COX7B2: variants seen among roughly 807,000 people sequenced by gnomAD.
COX7B2 encodes the protein cytochrome c oxidase subunit 7B2.
For missense variants in COX7B2, 109 were observed against 95.9 expected (o/e 1.14, Z -0.57); for synonymous variants, 37 against 32.1 (o/e 1.15, Z -0.51).
At chr4:46,746,844 C>T (rs1235139049) in intron 2 of COX7B2, among the ~76,000 whole-genome samples, 2 of 152,146 alleles carry the variant, frequency 1.3e-5, no homozygotes, top group African/African-American at 4.8e-5. Context: ...TTTACTTAAA[C>T]TTGATTAAAC....
chr4:46,856,095 T>C (rs1402003110), intron 1 of COX7B2, among the ~76,000 whole-genome samples: 1 of 151,886 alleles, frequency 6.6e-6, no homozygotes, highest in Non-Finnish European at 1.5e-5. Context: ...AATACAAAAA[T>C]TAGCCGGTCA....
chr4:46,786,965 T>G (rs1717783765), intron 2 of COX7B2, among the ~76,000 whole-genome samples: 1 of 152,096 alleles, frequency 6.6e-6, no homozygotes, highest in South Asian at 2.1e-4. Flanking sequence ...GGGTCTGCTG[T>G]GAACTTGGAA....
intron 2 of COX7B2, among the ~76,000 whole-genome samples, chr4:46,773,965 C>T (rs531519749): frequency 6.6e-6 from 1 of 152,208 alleles, no homozygotes; most frequent in Admixed American, 6.6e-5. Context: ...CTTGTTCCAT[C>T]ATTCTCTTTA....
At chr4:46,806,030 G>C (rs912142538) in intron 2 of COX7B2, among the ~76,000 whole-genome samples, 8 of 151,998 alleles carry the variant, frequency 5.3e-5, no homozygotes, top group African/African-American at 1.9e-4. Context: ...CAGTCTCAGA[G>C]GCATTATTTG....
intron 2 of COX7B2, among the ~76,000 whole-genome samples, chr4:46,749,528 G>T (rs10009333): frequency 0.34 from 50,831 of 151,672 alleles, 8,688 homozygotes; most frequent in South Asian, 0.47. Flanking sequence ...TAAAAATATT[G>T]TAGTATAAAT....
At chr4:46,830,243 G>A (rs1244398490) in intron 2 of COX7B2, among the ~76,000 whole-genome samples, 4 of 147,040 alleles carry the variant, frequency 2.7e-5, no homozygotes, top group African/African-American at 1.0e-4. Flanking sequence ...AGAATTGCTT[G>A]AACCCAGTAT....
chr4:46,879,779 T>G (rs567548336), intron 1 of COX7B2, among the ~76,000 whole-genome samples: 1 of 151,094 alleles, frequency 6.6e-6, no homozygotes, highest in South Asian at 2.1e-4. Flanking sequence ...TTTGAAGGAG[T>G]GCCGTTCCAA....
intron 2 of COX7B2, among the ~76,000 whole-genome samples, chr4:46,765,187 AG>A (rs1200537044): frequency 2.0e-5 from 3 of 152,184 alleles, no homozygotes; most frequent in Admixed American, 2.0e-4. Context: ...AAGAAATTCA[AG>A]TGAGATATCA....
chr4:46,763,778 C>T (rs1345441327), intron 2 of COX7B2, among the ~76,000 whole-genome samples: 1 of 152,082 alleles, frequency 6.6e-6, no homozygotes, highest in Non-Finnish European at 1.5e-5. Context: ...CTTGAAGCTG[C>T]ATAAACACAG....
At chr4:46,773,859 A>T (rs193270102) in intron 2 of COX7B2, among the ~76,000 whole-genome samples, 3 of 152,258 alleles carry the variant, frequency 2.0e-5, no homozygotes, top group Admixed American at 2.0e-4. Flanking sequence ...TTTTATCTAG[A>T]GGTATGTTTT....
chr4:46,777,378 G>C (rs1314806699), intron 2 of COX7B2, among the ~76,000 whole-genome samples: 1 of 149,652 alleles, frequency 6.7e-6, no homozygotes, highest in Admixed American at 6.7e-5. Flanking sequence ...TGGAGTGCCA[G>C]AGAGAGAGAG....
At chr4:46,907,848 CTTTTTTTTTTTT>C (rs35024713) in intron 1 of COX7B2, among the ~76,000 whole-genome samples, 1 of 59,730 alleles carries the variant, frequency 1.7e-5, no homozygotes, top group African/African-American at 6.4e-5. Context: ...TTTGAGCAGA[CTTTTTTTTTTTT>C]TTTTTTTTTT....
chr4:46,741,586 T>A (rs114850115), intron 2 of COX7B2, among the ~76,000 whole-genome samples: 1,712 of 152,146 alleles, frequency 0.011, 21 homozygotes, highest in Middle Eastern at 0.037. Context: ...AAATAAATTA[T>A]CCTGGTCCCT....
chr4:46,805,122 C>T (rs181676119), intron 2 of COX7B2, among the ~76,000 whole-genome samples: 11 of 152,360 alleles, frequency 7.2e-5, no homozygotes, highest in East Asian at 1.9e-4. Flanking sequence ...ACCCAGAACT[C>T]GCGCTGGCCT....
At chr4:46,769,823 AG>A (rs1399039303) in intron 2 of COX7B2, among the ~76,000 whole-genome samples, 2 of 152,194 alleles carry the variant, frequency 1.3e-5, no homozygotes, top group African/African-American at 4.8e-5. Context: ...AAAACAAATT[AG>A]GTATAGAAAG....
intron 2 of COX7B2, among the ~76,000 whole-genome samples, chr4:46,780,244 C>T (rs529809421): frequency 1.4e-4 from 22 of 152,136 alleles, no homozygotes; most frequent in African/African-American, 3.4e-4. Context: ...TGGCCGGGCA[C>T]GGTGGCTCAC....
At chr4:46,764,215 C>G (rs773792022) in intron 2 of COX7B2, among the ~76,000 whole-genome samples, 1 of 152,128 alleles carries the variant, frequency 6.6e-6, no homozygotes, top group Non-Finnish European at 1.5e-5. Context: ...TTTGAAGATG[C>G]TATCCATTTA....
intron 2 of COX7B2, among the ~76,000 whole-genome samples, chr4:46,802,416 C>T (rs1718704741): frequency 6.6e-6 from 1 of 152,098 alleles, no homozygotes; most frequent in African/African-American, 2.4e-5. Flanking sequence ...CTATGACTTC[C>T]TTCATGAAAT....
intron 1 of COX7B2, among the ~76,000 whole-genome samples, chr4:46,851,690 T>C (rs1170860740): frequency 2.0e-5 from 3 of 152,094 alleles, no homozygotes; most frequent in Non-Finnish European, 4.4e-5. Context: ...TTCCTCAGTC[T>C]TCCCTTTTCT....
Sources: allele counts gnomAD v4.1 joint callset (sites outside exome capture counted in the v4.1 genomes callset), GRCh38; gene constraint gnomAD v4.1.1; transcripts MANE v1.5; gene names NCBI Gene and HGNC (gene_info 2026-07-23, HGNC 2026-07-21).